Variants in PCOLCE2 observed in about 807,000 individuals in gnomAD.
PCOLCE2 encodes procollagen C-endopeptidase enhancer 2.
Under a neutral mutation model 47.0 loss-of-function variants are expected in PCOLCE2, and 42 were observed. The ratio of observed to expected loss-of-function variants is 0.89; its 90% CI spans 0.70 to 1.16. The LOEUF (loss-of-function observed/expected upper bound fraction) is 1.16. PCOLCE2 is among the 50% of genes most tolerant of loss of function. The pLI, the probability that PCOLCE2 is intolerant of heterozygous loss-of-function variation, is 0.00. For synonymous variants in PCOLCE2, 169 were observed against 191.7 expected, an observed-to-expected ratio of 0.88 and a Z score of 0.98; for missense variants, 500 against 526.1, an observed-to-expected ratio of 0.95 and a Z score of 0.49.
At chr3:142,878,810 C>A (rs1257497537) in intron 2 of PCOLCE2, among the ~76,000 whole-genome samples, 1 of 151,794 alleles carries the variant, frequency 6.6e-6, no homozygotes, top group African/African-American at 2.4e-5. Flanking sequence ...GCTGAGATCA[C>A]GCCACTGCAC....
chr3:142,836,716 T>C (rs1937207875), intron 5 of PCOLCE2, among the ~76,000 whole-genome samples: 1 of 151,890 alleles, frequency 6.6e-6, no homozygotes, highest in South Asian at 2.1e-4. Context: ...GTCAATAGAG[T>C]TTAAAACTTT....
In PCOLCE2 at chr3:142,822,299, A is replaced by G. The variant is rs148222152; in HGVS notation, c.949+1233T>C. 2.0e-5 allele frequency among the ~76,000 whole-genome samples: 3 copies of G among 152,232 alleles called. No homozygotes were observed. The East Asian group carries it at 5.8e-4, about 29-fold the overall frequency. ...ATTGTGACAACCAAAAAAATGCAGTAATCTAACATCTCTACCACTCCCCAG... is the reference window on the plus strand; with the variant it reads ...ATTGTGACAACCAAAAAAATGCAGTGATCTAACATCTCTACCACTCCCCAG... On this transcript the variant is annotated intron_variant, in intron 7 of 8. Transcript: ENST00000295992.
At chr3:142,882,355 T>C (rs1933640928) in intron 2 of PCOLCE2, among the ~76,000 whole-genome samples, 1 of 152,016 alleles carries the variant, frequency 6.6e-6, no homozygotes, top group Non-Finnish European at 1.5e-5. Context: ...CTCTCCCATA[T>C]TTTCTTCATA....
rs926755093 is a variant in PCOLCE2, at chr3:142,829,781, T to A, written c.776A>T (p.Asp259Val). Residue 259 changes from aspartate to valine, a missense_variant, in exon 6 of 9, where the codon GAT becomes GTT. Physicochemically the swap from Asp to Val is radical, Grantham distance 152. Transcript: ENST00000295992. ...QFLSDLSLTA[D>V]GFIGHYIFRP... ...GAATATGTAGTGACCAATAAACCCA[T>A]CTGCAGTTAAACTTAAGTCTGATAA... is the stretch of plus-strand genomic sequence containing the variant. 6.2e-7 allele frequency: 1 copy of A among 1,607,960 alleles called. No individual in the cohort carries two copies. The highest frequency in any genetic ancestry group is 8.5e-7 in the Non-Finnish European group (1 of 1,175,146).
chr3:142,850,779 T>C (rs1932918600), intron 2 of PCOLCE2, among the ~76,000 whole-genome samples: 1 of 149,230 alleles, frequency 6.7e-6, no homozygotes, highest in South Asian at 2.1e-4. Context: ...CAAGGAGTTT[T>C]GCTGTGAAGA....
chr3:142,846,136 G>A (rs917671664), intron 3 of PCOLCE2, among the ~76,000 whole-genome samples: 1 of 152,106 alleles, frequency 6.6e-6, no homozygotes, highest in African/African-American at 2.4e-5. Flanking sequence ...TAATGTGCAT[G>A]GGGGTGCTTC....
chr3:142,866,129 G>A (rs901635172), intron 2 of PCOLCE2, among the ~76,000 whole-genome samples: 1 of 152,198 alleles, frequency 6.6e-6, no homozygotes, highest in African/African-American at 2.4e-5. Flanking sequence ...GTGTGTATGA[G>A]GGTTTGCCTG....
intron 5 of PCOLCE2, among the ~76,000 whole-genome samples, chr3:142,833,693 A>T (rs1468498039): frequency 6.6e-6 from 1 of 152,136 alleles, no homozygotes; most frequent in East Asian, 1.9e-4. Context: ...ACCAATTCAC[A>T]CACCTTTCAA....
At chr3:142,857,912 A>C (rs10804684) in intron 2 of PCOLCE2, among the ~76,000 whole-genome samples, 92,813 of 152,058 alleles carry the variant, frequency 0.61, 28,748 homozygotes, top group Non-Finnish European at 0.66. Flanking sequence ...CCCCCCAGCC[A>C]TTTGTGTCTT....
Position 142,869,019 on chromosome 3 carries a change from C to T in PCOLCE2, c.192+18650G>A, listed in dbSNP as rs151216638. On this transcript the variant is annotated intron_variant, in intron 2 of 8. Transcript: ENST00000295992. Reference sequence around the variant, plus strand: ...TTAAAACAGAGACCTTGGCCGGGTGCGGTGGCTCACGCCTGTAATCCCAGC... The same window carrying T: ...TTAAAACAGAGACCTTGGCCGGGTGTGGTGGCTCACGCCTGTAATCCCAGC... Among the ~76,000 whole-genome samples the T allele has an allele frequency of 9.9e-3, 1,514 of 152,212 alleles. 26 individuals carry two copies. The highest frequency in any genetic ancestry group is 0.035 in the African/African-American group (1,451 of 41,532).
chr3:142,839,545 T>G (rs1201378150), intron 4 of PCOLCE2, among the ~76,000 whole-genome samples: 2 of 152,154 alleles, frequency 1.3e-5, no homozygotes, highest in African/African-American at 4.8e-5. Context: ...ACTCCTGACC[T>G]CAAGTAATCC....
intron 6 of PCOLCE2, among the ~76,000 whole-genome samples, chr3:142,828,896 AG>A (rs1294568939): frequency 6.6e-6 from 1 of 152,220 alleles, no homozygotes; most frequent in Non-Finnish European, 1.5e-5. Flanking sequence ...GCACTTGCAG[AG>A]TGCAAGGAAA....
intron 3 of PCOLCE2, among the ~76,000 whole-genome samples, chr3:142,845,524 C>A (rs1416023298): frequency 6.6e-6 from 1 of 152,230 alleles, no homozygotes; most frequent in Non-Finnish European, 1.5e-5. Context: ...TCATTTACCT[C>A]AACCTGAGGA....
At position 142,848,305 on chromosome 3, in the gene PCOLCE2, G is replaced by C. The variant is rs749416279; in HGVS notation, c.360C>G (p.Asn120Lys). 1.2e-6 allele frequency: 2 copies of C among 1,614,218 alleles called. No homozygotes were observed. Among genetic ancestry groups the C allele is most frequent in the Non-Finnish European group, 1.7e-6 (2 of 1,180,024 alleles). The change falls in exon 3 of 9, where the codon AAC becomes AAG. Residue 120 changes from asparagine to lysine, a missense_variant. Physicochemically the swap from Asn to Lys is moderately conservative, Grantham distance 94. Coordinates refer to ENST00000295992, the MANE Select transcript of PCOLCE2 (RefSeq NM_013363.4). ...CAGAAATCATCTGCACCATCATCTT[G>C]TTGCCACTGGACACAAGGGCTCCAG... Reference protein sequence around the residue: ...FRPGALVSSGNKMMVQMISDA... With the variant: ...FRPGALVSSGKKMMVQMISDA...
rs536536411 is a variant in PCOLCE2 at position 142,830,793 on chromosome 3, A to G, written c.711-947T>C. Among the ~76,000 whole-genome samples the G allele has an allele frequency of 2.0e-5, 3 of 152,396 alleles. No individual in the cohort carries two copies. The East Asian group carries it at 5.8e-4, about 29-fold the overall frequency. On this transcript the variant is annotated intron_variant, in intron 5 of 8. Coordinates refer to ENST00000295992, the MANE Select transcript of PCOLCE2 (RefSeq NM_013363.4). ...TCTGATTAATTCTGTTTAAAAACTA[A>G]TTCAGAAGTAGAAAAAATTTAACAA...
rs181434421 is a variant in PCOLCE2 at position 142,888,751 on chromosome 3, C to A, written c.83+63G>T. 3.6e-3 allele frequency: 3,612 copies of A among 1,007,134 alleles called. 14 individuals are homozygous for A. Among genetic ancestry groups the A allele is most frequent in the Non-Finnish European group, 4.3e-3 (3,151 of 724,882 alleles). 62.4% of individuals were successfully genotyped at this position (1,007,134 alleles called of 1,614,324 possible). On this transcript the variant is annotated intron_variant, in intron 1 of 8. Coordinates refer to ENST00000295992, the MANE Select transcript of PCOLCE2 (RefSeq NM_013363.4). ...GAAGCGGGTTGAGTAAAGCAGCAGG[C>A]GAGGCTGCAGGGGTGGAGGAAGGGA...
At chr3:142,832,290 C>CG (rs1158250670) in intron 5 of PCOLCE2, among the ~76,000 whole-genome samples, 1 of 152,166 alleles carries the variant, frequency 6.6e-6, no homozygotes, top group Non-Finnish European at 1.5e-5. Flanking sequence ...TTCTCTAGGA[C>CG]GGGGGTTCTA....
At chr3:142,868,792 C>T (rs1463852953) in intron 2 of PCOLCE2, among the ~76,000 whole-genome samples, 2 of 152,226 alleles carry the variant, frequency 1.3e-5, no homozygotes, top group African/African-American at 2.4e-5. Flanking sequence ...CCTCCCTTGT[C>T]AAGTGTGTGC....
intron 7 of PCOLCE2, among the ~76,000 whole-genome samples, chr3:142,821,401 A>T (rs139338439): frequency 8.7e-4 from 132 of 152,252 alleles, no homozygotes; most frequent in Admixed American, 1.6e-3. Context: ...ACTCAAAAAG[A>T]TCTTGTATCT....
Sources: gnomAD v4.1 joint callset for allele counts (sites outside exome capture counted in the v4.1 genomes callset) on GRCh38, gnomAD v4.1.1 for gene constraint, MANE v1.5 for transcripts, NCBI Gene and HGNC (gene_info 2026-07-23, HGNC 2026-07-21) for gene names.